The following LARP7 variants were observed in gnomAD, a reference collection of about 807,000 sequenced individuals.
LARP7 encodes the protein La ribonucleoprotein 7, transcriptional regulator.
In LARP7, 52 loss-of-function variants were observed where a neutral mutation model predicts 69.3. The ratio of observed to expected loss-of-function variants is 0.75; its 90% CI spans 0.60 to 0.95. The LOEUF (loss-of-function observed/expected upper bound fraction) is 0.95, where lower values mean the gene tolerates loss of function less well. LARP7 is among the 40% of genes least tolerant of loss of function. The probability of loss-of-function intolerance (pLI) is 0.00; values close to 1 mark genes in which losing one functional copy is unlikely to be tolerated. For missense variants in LARP7, 733 were observed against 673.0 expected, an observed-to-expected ratio of 1.09 and a Z score of -0.99; for synonymous variants, 254 against 215.9, an observed-to-expected ratio of 1.18 and a Z score of -1.55.
At chr4:112,652,273 G>C (rs531421494) in intron 10 of LARP7, among the ~76,000 whole-genome samples, 2 of 150,226 alleles carry the variant, frequency 1.3e-5, no homozygotes, top group African/African-American at 4.9e-5. Context: ...AAACGAAAGG[G>C]AGGCAAGATA....
At chr4:112,655,836 A>C (rs2048931329) in intron 12 of LARP7, among the ~76,000 whole-genome samples, 2 of 152,218 alleles carry the variant, frequency 1.3e-5, no homozygotes, top group South Asian at 4.1e-4. Flanking sequence ...AGTAAGCCCC[A>C]GTAAAGTTTA....
Position 112,646,401 on chromosome 4 carries a change from A to G in LARP7, c.253A>G (p.Thr85Ala), listed in dbSNP as rs754729747. 6.2e-6 allele frequency: 10 copies of G among 1,604,786 alleles called. No homozygotes were observed. The highest frequency in any genetic ancestry group is 2.2e-5 in the East Asian group (1 of 44,642). Residue 85 changes from threonine (T) to alanine (A), a missense_variant, in exon 3 of 13, where the codon ACT (threonine) becomes GCT (alanine). Coordinates refer to ENST00000344442, the MANE Select transcript of LARP7 (RefSeq NM_016648.4). ...TTTTAACAAAATGAAAAAATTGACT[A>G]CTGATGGGAAGTTAATTGCCAGAGC... ...VSFNKMKKLT[T>A]DGKLIARALR...
chr4:112,640,055 C>T (rs1008594008), intron 1 of LARP7, among the ~76,000 whole-genome samples: 1 of 152,148 alleles, frequency 6.6e-6, no homozygotes, highest in African/African-American at 2.4e-5. Context: ...TCTCCTGCCT[C>T]AGCCTCCCGA....
chr4:112,641,825 T>C lies in LARP7; in HGVS notation c.-2-2843T>C, dbSNP rs572603370. ...TTGAGATATCCTTTAGATAAACTAG[T>C]GGAGGTGTCAGGTGGACAGTTGAAT... On this transcript the variant is annotated intron_variant, in intron 1 of 12. Transcript: ENST00000344442. 3.9e-5 allele frequency among the ~76,000 whole-genome samples: 6 copies of C among 152,224 alleles called. No homozygotes were observed. The South Asian group carries it at 1.2e-3, about 32-fold the overall frequency.
At position 112,644,126 on chromosome 4, in the gene LARP7, C is replaced by T. The variant is rs146046231; in HGVS notation, c.-2-542C>T. ...GCATGATGGCATGTGCCTGTAGTCC[C>T]AGCTACTTGGGAGACTGAGGCAGGA... is the stretch of plus-strand genomic sequence containing the variant. On this transcript the variant is annotated intron_variant, in intron 1 of 12. Coordinates refer to ENST00000344442, the MANE Select transcript of LARP7 (RefSeq NM_016648.4). 2.0e-3 allele frequency among the ~76,000 whole-genome samples: 297 copies of T among 151,638 alleles called. 2 individuals carry two copies. Among genetic ancestry groups the T allele is most frequent in the African/African-American group, 6.6e-3 (271 of 41,316 alleles).
chr4:112,654,960 A>G (rs1220426745), intron 12 of LARP7, among the ~76,000 whole-genome samples: 3 of 150,456 alleles, frequency 2.0e-5, no homozygotes, highest in South Asian at 4.2e-4. Context: ...TAAAAGTCCT[A>G]TTTCCTGTAA....
chr4:112,656,418 ATATAT>A (rs754224641), intron 12 of LARP7, among the ~76,000 whole-genome samples: 2 of 152,168 alleles, frequency 1.3e-5, no homozygotes. Flanking sequence ...AACTAAAATA[ATATAT>A]TAAACACAAG....
intron 9 of LARP7, 129 bp from the exon 10 acceptor site, chr4:112,650,332 C>G: frequency 1.1e-6 from 1 of 875,230 alleles, no homozygotes; most frequent in Non-Finnish European, 1.7e-6. Flanking sequence ...TAATTGTTTA[C>G]TTTAAAATTA....
Position 112,647,392 on chromosome 4 carries a change from C to T in LARP7, c.840C>T (p.Asp280=), listed in dbSNP as rs1404330866. Reference sequence around the variant, plus strand: ...GCTCAAAGAAAAAGAAAAAACGGGACAGAGTTGAAGCATCTAGCTTACCTG... The same window carrying T: ...GCTCAAAGAAAAAGAAAAAACGGGATAGAGTTGAAGCATCTAGCTTACCTG... The part of the protein sequence containing the change: ...KQCSKKKKKR[D]RVEASSLPEV... Residue 280 remains aspartate, a synonymous_variant, in exon 7 of 13, where the codon GAC becomes GAT. Transcript: ENST00000344442. 1 of 1,613,916 alleles carries T rather than the reference C, an allele frequency of 6.2e-7. No homozygotes were observed. The highest frequency in any genetic ancestry group is 8.5e-7 in the Non-Finnish European group (1 of 1,179,966).
chr4:112,654,237 A>G (rs1374712300), intron 12 of LARP7, 78 bp downstream of exon 12: 6 of 998,948 alleles, frequency 6.0e-6, no homozygotes, highest in South Asian at 5.5e-5. Flanking sequence ...AGGTAGTCAT[A>G]AAATGATCGT....
In LARP7 at chr4:112,646,665, G is replaced by T; in HGVS notation, c.381G>T (p.Val127=). 1 of 1,601,518 alleles carries T rather than the reference G, an allele frequency of 6.2e-7. No homozygotes were observed. The highest frequency in any genetic ancestry group is 8.5e-7 in the Non-Finnish European group (1 of 1,175,032). ...CAAAGGATGAGGATGAACGCACAGTGTATGTGGTAAGCTTAAGAACCCGGG... is the reference window on the plus strand; with the variant it reads ...CAAAGGATGAGGATGAACGCACAGTTTATGTGGTAAGCTTAAGAACCCGGG... ...ERPKDEDERT[V]YVELLPKNVN... is the part of the protein sequence containing the mutation. The change falls in exon 4 of 13, where the codon GTG becomes GTT. Residue 127 remains valine, a synonymous_variant. Transcript: ENST00000344442.
At chr4:112,642,859 C>T (rs59743717) in intron 1 of LARP7, among the ~76,000 whole-genome samples, 15,217 of 152,196 alleles carry the variant, frequency 0.1, 2,342 homozygotes, top group African/African-American at 0.33. Flanking sequence ...GGCCTCCATG[C>T]CATCTAATAG....
Position 112,657,307 on chromosome 4 carries a change from A to G in LARP7, c.1729A>G (p.Arg577Gly). 1 of 1,586,536 alleles carries G rather than the reference A, an allele frequency of 6.3e-7. No individual in the cohort carries two copies. Among genetic ancestry groups the G allele is most frequent in the Non-Finnish European group, 8.6e-7 (1 of 1,163,630 alleles). ...GACTCAACAAGCGAGTAAACATATA[A>G]GATTTTCTGAATATGATTGAAAAAA... ...AKTQQASKHI[R>G]FSEYD Residue 577 changes from arginine (R) to glycine (G), a missense_variant, in exon 13 of 13, where the codon AGA becomes GGA. By Grantham distance (125) the Arg-to-Gly change is moderately radical. Coordinates refer to ENST00000344442, the MANE Select transcript of LARP7 (RefSeq NM_016648.4).
intron 12 of LARP7, 63 bp from the exon 13 acceptor site, chr4:112,657,170 TTGTGTGTGTGTGTG>T: frequency 3.9e-6 from 2 of 515,830 alleles, no homozygotes; most frequent in Non-Finnish European, 6.1e-6. Context: ...AGTCATAGTT[TTGTGTGTGTGTGTG>T]TGTGTGTGTG....
Position 112,650,459 on chromosome 4 carries a change from A to C in LARP7, c.1295-2A>C. The C allele has an allele frequency of 1.2e-6, 2 of 1,613,590 alleles. No individual in the cohort carries two copies. The highest frequency in any genetic ancestry group is 2.2e-5 in the South Asian group (2 of 91,054). On this transcript the variant is annotated splice_acceptor_variant, in intron 9 of 12. Coordinates refer to ENST00000344442, the MANE Select transcript of LARP7 (RefSeq NM_016648.4). LOFTEE classifies it high-confidence loss of function. ...TCCTGGTCTTTTTCCTTTTCTAATC[A>C]GCAGCCAACAGGGAAGAGTGTCGCA...
Position 112,644,680 on chromosome 4 carries a change from A to G in LARP7, c.11A>G (p.Glu4Gly). 6.2e-7 allele frequency: 1 copy of G among 1,602,454 alleles called. No individual in the cohort carries two copies. Among genetic ancestry groups the G allele is most frequent in the Non-Finnish European group, 8.5e-7 (1 of 1,173,480 alleles). Residue 4 changes from glutamate to glycine, a missense_variant, in exon 2 of 13, where the codon GAA (glutamate) becomes GGA (glycine). By Grantham distance (98) the Glu-to-Gly change is moderately conservative (BLOSUM62 -2). Transcript: ENST00000344442. The stretch of plus-strand genomic sequence containing the variant: ...TTGTAATTCACAGGAATGGAAACTG[A>G]AAGTGGAAATCAGGAAAAGGTAATG... METESGNQEKVMEE... is the reference protein window; with the variant it reads METGSGNQEKVMEE...
At chr4:112,641,070 C>T (rs2047940560) in intron 1 of LARP7, among the ~76,000 whole-genome samples, 1 of 152,094 alleles carries the variant, frequency 6.6e-6, no homozygotes, top group African/African-American at 2.4e-5. Flanking sequence ...ATCCAGTCAA[C>T]CACAGTAAGG....
chr4:112,648,542 T>C, intron 8 of LARP7: 1 of 529,228 alleles, frequency 1.9e-6, no homozygotes, highest in Non-Finnish European at 3.9e-6. Flanking sequence ...ACTTCCATGT[T>C]AAAGTTGAAG....
chr4:112,653,929 A>G (rs2048858471), intron 11 of LARP7, 139 bp from the exon 12 acceptor site: 2 of 640,068 alleles, frequency 3.1e-6, no homozygotes, highest in South Asian at 2.1e-5. Flanking sequence ...TTTTTTTTCT[A>G]TTCTGTAATA....
Sources: gnomAD v4.1 joint callset for allele counts (sites outside exome capture counted in the v4.1 genomes callset) on GRCh38, gnomAD v4.1.1 for gene constraint, MANE v1.5 for transcripts, NCBI Gene and HGNC (gene_info 2026-07-23, HGNC 2026-07-21) for gene names.